TBC1D8: variants seen among roughly 807,000 people sequenced by gnomAD.
TBC1D8 encodes the protein TBC1 domain family member 8, also known as BUB2-like protein 1.
In TBC1D8, 65 loss-of-function variants were observed where a neutral mutation model predicts 118.8. That is an observed-to-expected ratio of 0.55 (90% CI 0.45 to 0.67). The LOEUF (loss-of-function observed/expected upper bound fraction) is 0.67. Among genes scored for constraint, TBC1D8 ranks in the 30% least tolerant of loss-of-function variants. The pLI, the probability that TBC1D8 is intolerant of heterozygous loss-of-function variation, is 0.00. For synonymous variants in TBC1D8, 566 were observed against 595.8 expected (o/e 0.95, Z 0.73); for missense variants, 1,376 against 1,471.2 (o/e 0.94, Z 1.06).
chr2:101,046,162 AC>A (rs112003228), intron 5 of TBC1D8, among the ~76,000 whole-genome samples: 77 of 151,356 alleles, frequency 5.1e-4, no homozygotes, highest in African/African-American at 1.9e-3. Context: ...TTCTTCTGTG[AC>A]CCCCCCAGGA....
At chr2:101,127,590 T>G (rs1267854036) in intron 1 of TBC1D8, among the ~76,000 whole-genome samples, 1 of 152,036 alleles carries the variant, frequency 6.6e-6, no homozygotes, top group Non-Finnish European at 1.5e-5. Flanking sequence ...CAGGCTGGAG[T>G]GCAGCAGAAC....
intron 2 of TBC1D8, among the ~76,000 whole-genome samples, chr2:101,065,635 G>A (rs1249125346): frequency 2.0e-5 from 3 of 152,100 alleles, no homozygotes; most frequent in Non-Finnish European, 4.4e-5. Context: ...ATTTTCAGTC[G>A]GGTATATTTC....
chr2:101,024,912 A>G (rs1277677716), intron 15 of TBC1D8, among the ~76,000 whole-genome samples: 5 of 152,178 alleles, frequency 3.3e-5, no homozygotes, highest in African/African-American at 9.7e-5. Context: ...TGAATAATTA[A>G]ATATATCAGA....
chr2:101,082,667 G>T (rs1675341859), intron 2 of TBC1D8, among the ~76,000 whole-genome samples: 1 of 152,186 alleles, frequency 6.6e-6, no homozygotes, highest in Admixed American at 6.6e-5. Flanking sequence ...GTAATAAGTG[G>T]TCACCAAAAG....
At chr2:101,148,386 A>G (rs1679406018) in intron 1 of TBC1D8, among the ~76,000 whole-genome samples, 1 of 152,248 alleles carries the variant, frequency 6.6e-6, no homozygotes, top group Non-Finnish European at 1.5e-5. Flanking sequence ...TATGCTGGGT[A>G]CTATCACAGG....
At chr2:101,063,805 T>G (rs1682885364) in intron 2 of TBC1D8, among the ~76,000 whole-genome samples, 1 of 151,838 alleles carries the variant, frequency 6.6e-6, no homozygotes, top group Non-Finnish European at 1.5e-5. Flanking sequence ...CTCCTAAGGA[T>G]AGCTACTGAT....
intron 1 of TBC1D8, among the ~76,000 whole-genome samples, chr2:101,137,031 C>CTTTT (rs34792672): frequency 5.0e-5 from 6 of 121,030 alleles, no homozygotes; most frequent in East Asian, 2.4e-4. Flanking sequence ...TAGGCTAATT[C>CTTTT]TTTTTTTTTT....
At chr2:101,074,324 A>G (rs1486138360) in intron 2 of TBC1D8, among the ~76,000 whole-genome samples, 2 of 152,220 alleles carry the variant, frequency 1.3e-5, no homozygotes, top group Non-Finnish European at 2.9e-5. Context: ...CAATTACAAC[A>G]GTAACAACTA....
At chr2:101,138,066 G>A (rs1435459101) in intron 1 of TBC1D8, among the ~76,000 whole-genome samples, 1 of 152,166 alleles carries the variant, frequency 6.6e-6, no homozygotes, top group African/African-American at 2.4e-5. Flanking sequence ...CATACGACCG[G>A]AGCAGGAGGA....
intron 14 of TBC1D8, 65 bp downstream of exon 14, chr2:101,027,983 G>C: frequency 7.0e-7 from 1 of 1,437,484 alleles, no homozygotes; most frequent in Non-Finnish European, 9.8e-7. Flanking sequence ...TGACCAAAAA[G>C]GATGCGCACT....
chr2:101,018,115 TAA>T (rs1679788907), intron 17 of TBC1D8: 5 of 565,964 alleles, frequency 8.8e-6, no homozygotes, highest in South Asian at 8.7e-5. Flanking sequence ...CTTTTTCATA[TAA>T]AGTTTTCAGA....
intron 1 of TBC1D8, among the ~76,000 whole-genome samples, chr2:101,122,997 C>T (rs773910678): frequency 2.0e-5 from 3 of 152,076 alleles, no homozygotes; most frequent in Admixed American, 1.3e-4. Flanking sequence ...CAATCAAAGG[C>T]GAAAGGCACA....
At chr2:101,097,140 A>G (rs1396680061) in intron 1 of TBC1D8, among the ~76,000 whole-genome samples, 1 of 152,210 alleles carries the variant, frequency 6.6e-6, no homozygotes, top group Admixed American at 6.5e-5. Context: ...CTCATTTTAA[A>G]AAGCCTGCGA....
rs1680029620 is a variant in TBC1D8 at position 101,021,566 on chromosome 2, C to G, written c.2827+115G>C. 3 of 722,368 alleles carry G rather than the reference C, an allele frequency of 4.2e-6. No homozygotes were observed. The African/African-American group carries it at 5.4e-5, about 13-fold the overall frequency. 44.7% of individuals were successfully genotyped at this position (722,368 alleles called of 1,614,324 possible). A position where few individuals can be genotyped will look rare whatever the true frequency, so the allele number is the denominator to read the frequency against. ...ACCTGAAACCCCAAGCCAGAAACAC[C>G]TGTTGCCTCAAGCATAAGTGAACTT... On this transcript the variant is annotated intron_variant, in intron 17 of 19. Transcript: ENST00000409318.
chr2:101,041,121 A>G (rs1434362317), intron 5 of TBC1D8, among the ~76,000 whole-genome samples: 1 of 152,242 alleles, frequency 6.6e-6, no homozygotes, highest in Non-Finnish European at 1.5e-5. Flanking sequence ...TCATGTTGGT[A>G]AACAGTCTGG....
intron 2 of TBC1D8, among the ~76,000 whole-genome samples, chr2:101,061,752 G>A (rs577248308): frequency 2.0e-4 from 31 of 152,306 alleles, no homozygotes; most frequent in Middle Eastern, 6.8e-3. Flanking sequence ...TTCCTCTGAG[G>A]TGAGGGGTCC....
At chr2:101,120,415 T>C (rs1348117327) in intron 1 of TBC1D8, among the ~76,000 whole-genome samples, 2 of 152,178 alleles carry the variant, frequency 1.3e-5, no homozygotes, top group Non-Finnish European at 2.9e-5. Flanking sequence ...ATGCTAGTGG[T>C]CTGTGGTCCG....
intron 1 of TBC1D8, among the ~76,000 whole-genome samples, chr2:101,099,899 A>G (rs1676717074): frequency 6.6e-6 from 1 of 152,208 alleles, no homozygotes; most frequent in African/African-American, 2.4e-5. Context: ...ACCCACAGCC[A>G]ATATTGCACT....
At chr2:101,055,347 C>A (rs1485384265) in intron 3 of TBC1D8, among the ~76,000 whole-genome samples, 2 of 151,674 alleles carry the variant, frequency 1.3e-5, no homozygotes, top group Non-Finnish European at 2.9e-5. Context: ...CAAGATTGTA[C>A]CACTGCACTC....
Sources: allele counts gnomAD v4.1 joint callset (sites outside exome capture counted in the v4.1 genomes callset), GRCh38; gene constraint gnomAD v4.1.1; transcripts MANE v1.5; gene names NCBI Gene and HGNC (gene_info 2026-07-23, HGNC 2026-07-21).